FSTL5: variants seen among roughly 807,000 people sequenced by gnomAD.
The protein encoded by FSTL5 is follistatin-related protein 5.
Under a neutral mutation model 89.1 loss-of-function variants are expected in FSTL5, and 62 were observed. That is an observed-to-expected ratio of 0.70 (90% CI 0.57 to 0.86). The LOEUF (loss-of-function observed/expected upper bound fraction) is 0.86, where lower values mean the gene tolerates loss of function less well. Among genes scored for constraint, FSTL5 ranks in the 40% least tolerant of loss-of-function variants. The probability of loss-of-function intolerance (pLI) is 0.00; values close to 1 mark genes in which losing one functional copy is unlikely to be tolerated. For missense variants in FSTL5, 1,057 were observed against 1,001.6 expected, an observed-to-expected ratio of 1.06 and a Z score of -0.75; for synonymous variants, 383 against 346.2, an observed-to-expected ratio of 1.11 and a Z score of -1.18.
chr4:161,982,145 G>C (rs1735843513), intron 3 of FSTL5, among the ~76,000 whole-genome samples: 1 of 152,148 alleles, frequency 6.6e-6, no homozygotes, highest in African/African-American at 2.4e-5. Context: ...TTTCAAGTAT[G>C]ACCCATGGCT....
intron 15 of FSTL5, among the ~76,000 whole-genome samples, chr4:161,418,563 AT>A (rs1268016171): frequency 1.3e-5 from 2 of 152,178 alleles, no homozygotes; most frequent in African/African-American, 4.8e-5. Context: ...AAATAAAATA[AT>A]TATATTGCTA....
In FSTL5 at chr4:162,096,062, G is replaced by T. The variant is rs185242026; in HGVS notation, c.126+15209C>A. Among the ~76,000 whole-genome samples the T allele has an allele frequency of 6.6e-5, 10 of 151,926 alleles. No homozygotes were observed. In the East Asian group the frequency reaches 1.9e-3, roughly 29 times the overall value. On this transcript the variant is annotated intron_variant, in intron 2 of 15. Coordinates refer to ENST00000306100, the MANE Select transcript of FSTL5 (RefSeq NM_020116.5). The stretch of plus-strand genomic sequence containing the variant: ...GTAAAATGAAGATATTACCCTTGTG[G>T]TCAGATAAGCTACATTTCAACTTTA...
At chr4:162,094,462 C>A (rs1449822297) in intron 2 of FSTL5, among the ~76,000 whole-genome samples, 3 of 152,072 alleles carry the variant, frequency 2.0e-5, no homozygotes, top group African/African-American at 4.8e-5. Context: ...CCAGAAACAA[C>A]CCAAATTTCC....
At chr4:161,845,567 T>C (rs1731341336) in intron 4 of FSTL5, among the ~76,000 whole-genome samples, 1 of 152,336 alleles carries the variant, frequency 6.6e-6, no homozygotes. Flanking sequence ...CTGAATACAT[T>C]GGAAACTTTT....
At chr4:162,089,929 T>C (rs1437544424) in intron 2 of FSTL5, among the ~76,000 whole-genome samples, 21 of 152,178 alleles carry the variant, frequency 1.4e-4, no homozygotes, top group Admixed American at 1.4e-3. Context: ...ACATATTTTA[T>C]TTTTATTATT....
chr4:161,498,018 A>G (rs1730147233), intron 12 of FSTL5, among the ~76,000 whole-genome samples: 1 of 151,740 alleles, frequency 6.6e-6, no homozygotes, highest in South Asian at 2.1e-4. Flanking sequence ...ACATATATGT[A>G]TACATAGAGA....
chr4:161,485,166 G>C (rs966099628), intron 12 of FSTL5, among the ~76,000 whole-genome samples: 1 of 151,994 alleles, frequency 6.6e-6, no homozygotes, highest in African/African-American at 2.4e-5. Context: ...CTTACTACCT[G>C]GCCATTTGCA....
intron 6 of FSTL5, among the ~76,000 whole-genome samples, chr4:161,749,839 T>A (rs1007290932): frequency 2.0e-5 from 3 of 151,060 alleles, no homozygotes; most frequent in African/African-American, 7.3e-5. Flanking sequence ...ATAAAAATAA[T>A]AGGCTCTGGG....
At chr4:161,545,842 A>G (rs1024691228) in intron 8 of FSTL5, among the ~76,000 whole-genome samples, 2 of 151,958 alleles carry the variant, frequency 1.3e-5, no homozygotes, top group African/African-American at 4.8e-5. Context: ...TGGTTGATGA[A>G]ATCAAATTTG....
chr4:161,446,704 T>C (rs1578980868), intron 15 of FSTL5, among the ~76,000 whole-genome samples: 1 of 152,092 alleles, frequency 6.6e-6, no homozygotes, highest in Non-Finnish European at 1.5e-5. Context: ...GGCCATGCAA[T>C]GTACACTTTC....
At chr4:161,825,382 G>A (rs111511522) in intron 4 of FSTL5, among the ~76,000 whole-genome samples, 13,736 of 152,028 alleles carry the variant, frequency 0.09, 779 homozygotes, top group African/African-American at 0.16. Context: ...CCTGGTTTTG[G>A]TATTAGGGTG....
intron 12 of FSTL5, among the ~76,000 whole-genome samples, chr4:161,489,141 A>G (rs1469828322): frequency 6.6e-6 from 1 of 152,154 alleles, no homozygotes; most frequent in Non-Finnish European, 1.5e-5. Context: ...AGGGTGTTAA[A>G]TTTCAAATGC....
chr4:162,046,135 GGTTT>G (rs1204437416), intron 2 of FSTL5, among the ~76,000 whole-genome samples: 58 of 152,058 alleles, frequency 3.8e-4, no homozygotes, highest in Non-Finnish European at 2.9e-5. Flanking sequence ...TTGGAACACG[GGTTT>G]TTTTATTTGG....
intron 3 of FSTL5, among the ~76,000 whole-genome samples, chr4:161,936,373 A>G (rs1297582366): frequency 1.3e-5 from 2 of 152,180 alleles, no homozygotes; most frequent in Non-Finnish European, 2.9e-5. Context: ...TATAAACATT[A>G]TTTTGCTATC....
At chr4:162,108,307 C>T (rs1731303579) in intron 2 of FSTL5, among the ~76,000 whole-genome samples, 2 of 151,948 alleles carry the variant, frequency 1.3e-5, no homozygotes, top group African/African-American at 4.8e-5. Context: ...ATATTTGTAT[C>T]TACAACATTT....
chr4:161,946,350 C>G (rs1734733795), intron 3 of FSTL5, among the ~76,000 whole-genome samples: 1 of 152,126 alleles, frequency 6.6e-6, no homozygotes, highest in Non-Finnish European at 1.5e-5. Flanking sequence ...AACAAAGTTA[C>G]TCAGTTATGT....
intron 4 of FSTL5, among the ~76,000 whole-genome samples, chr4:161,824,020 A>C (rs1031372892): frequency 6.6e-6 from 1 of 152,160 alleles, no homozygotes; most frequent in Non-Finnish European, 1.5e-5. Context: ...ATTTTAATTA[A>C]GTCCCATCTA....
At chr4:161,594,441 T>C (rs1733937906) in intron 7 of FSTL5, among the ~76,000 whole-genome samples, 1 of 152,244 alleles carries the variant, frequency 6.6e-6, no homozygotes, top group East Asian at 1.9e-4. Context: ...TTTCCCTTTC[T>C]AGTATAATCA....
intron 15 of FSTL5, among the ~76,000 whole-genome samples, chr4:161,395,909 G>A (rs2110889439): frequency 6.6e-6 from 1 of 152,176 alleles, no homozygotes; most frequent in Middle Eastern, 3.4e-3. Context: ...ATACTAGATT[G>A]TTATAACAAT....
Sources: allele counts gnomAD v4.1 joint callset (sites outside exome capture counted in the v4.1 genomes callset), GRCh38; gene constraint gnomAD v4.1.1; transcripts MANE v1.5; gene names NCBI Gene and HGNC (gene_info 2026-07-23, HGNC 2026-07-21).